Variants in SORL1 observed in about 807,000 individuals in gnomAD.
The protein encoded by SORL1 is sortilin related receptor 1.
SORL1 carries 127 observed loss-of-function variants against 273.7 expected under a neutral mutation model. The ratio of observed to expected loss-of-function variants is 0.46; its 90% confidence interval spans 0.40 to 0.54. The LOEUF is 0.54. Ranked by LOEUF, SORL1 falls within the 20% of genes least tolerant of loss-of-function variation. The pLI is 0.00. For synonymous variants in SORL1, 1,031 were observed against 1,067.4 expected (o/e 0.97, Z 0.66); for missense variants, 2,494 against 2,846.1 (o/e 0.88, Z 2.81).
intron 11 of SORL1, among the ~76,000 whole-genome samples, chr11:121,530,517 C>G (rs1490029452): frequency 1.3e-5 from 2 of 152,128 alleles, no homozygotes; most frequent in Admixed American, 6.5e-5. Flanking sequence ...TTCACTTTAG[C>G]TATCATTCTC....
intron 37 of SORL1, among the ~76,000 whole-genome samples, chr11:121,607,816 A>G (rs1301141915): frequency 6.6e-6 from 1 of 152,162 alleles, no homozygotes; most frequent in Admixed American, 6.5e-5. Flanking sequence ...ATTTATGAAC[A>G]CACCCCCCCA....
intron 2 of SORL1, among the ~76,000 whole-genome samples, chr11:121,470,341 T>C (rs1043768149): frequency 6.6e-6 from 1 of 152,238 alleles, no homozygotes; most frequent in South Asian, 2.1e-4. Context: ...AATGTGTGAT[T>C]ACCTTTGGGA....
chr11:121,612,918 G>T, intron 40 of SORL1, 86 bp downstream of exon 40: 1 of 927,246 alleles, frequency 1.1e-6, no homozygotes. Context: ...GACTGGGGGT[G>T]CCAGGGAAGG....
chr11:121,474,277 C>T (rs1056705735), intron 2 of SORL1, among the ~76,000 whole-genome samples: 1 of 151,688 alleles, frequency 6.6e-6, no homozygotes, highest in African/African-American at 2.4e-5. Context: ...AGGTCCCATC[C>T]GGACTTCTTG....
Position 121,567,052 on chromosome 11 carries a change from G to T in SORL1, c.3162G>T (p.Gly1054=). 6.2e-7 allele frequency: 1 copy of T among 1,613,764 alleles called. No individual in the cohort carries two copies. The highest frequency in any genetic ancestry group is 1.1e-5 in the South Asian group (1 of 91,074). Residue 1054 remains glycine, a synonymous_variant, in exon 22 of 48, where the codon GGG becomes GGT. Transcript: ENST00000260197. ...EDVSSSVLPS[G]DLMCDCPQGY... ...TGTCCAGCAGTGTGCTTCCATCAGG[G>T]GACCTGATGTGTGACTGCCCTCAGG... is the stretch of plus-strand genomic sequence containing the variant.
chr11:121,627,773 T>C lies in SORL1; in HGVS notation c.6577+6T>C. On this transcript the variant is annotated splice_donor_region_variant and intron_variant, in intron 47 of 47. Transcript: ENST00000260197. This position sits in a 1 kb window ranked among gnomAD's most constrained non-coding sequence, Gnocchi z 4.9. ...CTCCTCTGGGGATGACCTGGGTAAG[T>C]GGGGCAGGGAGAGTCGGTTCTTCCT... The C allele has an allele frequency of 3.7e-6, 6 of 1,609,340 alleles. No homozygotes were observed. Among genetic ancestry groups the C allele is most frequent in the Non-Finnish European group, 5.1e-6 (6 of 1,176,788 alleles).
At chr11:121,457,674 G>A (rs149009360) in intron 1 of SORL1, among the ~76,000 whole-genome samples, 111 of 152,244 alleles carry the variant, frequency 7.3e-4, no homozygotes, top group African/African-American at 2.4e-3. Context: ...CACTTCAAGC[G>A]TTCTTGCAGA....
chr11:121,555,261 T>A lies in SORL1; in HGVS notation c.2514T>A (p.Ala838=). 1 of 1,614,140 alleles carries A rather than the reference T, an allele frequency of 6.2e-7. No individual in the cohort carries two copies. Among genetic ancestry groups the A allele is most frequent in the African/African-American group, 1.3e-5 (1 of 75,064 alleles). ...GCCTGGAGACAGTAGAAGCTTTGGC[T>A]TTTGAACCCCTCAGCCAGCTGCTTT... ...NSGLETVEAL[A]FEPLSQLLYW... is the part of the protein sequence containing the mutation. The change falls in exon 18 of 48, where the codon GCT becomes GCA. Residue 838 remains alanine (A), a synonymous_variant. Transcript: ENST00000260197.
rs183245115 is a variant in SORL1 at position 121,632,517 on chromosome 11, G to C, written c.*2954G>C. ...AATTCCTGGGGTTCTGTCTTTGGTAGCATCACCAGGGATATTTGGGTGGGA... is the reference window on the plus strand; with the variant it reads ...AATTCCTGGGGTTCTGTCTTTGGTACCATCACCAGGGATATTTGGGTGGGA... On this transcript the variant is annotated 3_prime_UTR_variant, in exon 48 of 48. Transcript: ENST00000260197. 20 of 151,906 alleles carry C rather than the reference G, an allele frequency of 1.3e-4. No homozygotes were observed. The highest frequency in any genetic ancestry group is 4.8e-4 in the African/African-American group (20 of 41,388). 9.4% of individuals were successfully genotyped at this position (151,906 alleles called of 1,614,324 possible).
intron 5 of SORL1, among the ~76,000 whole-genome samples, chr11:121,492,389 C>T (rs1421727736): frequency 6.6e-6 from 1 of 151,962 alleles, no homozygotes; most frequent in Non-Finnish European, 1.5e-5. Flanking sequence ...TAATAACTGT[C>T]TCAATGAATG....
chr11:121,564,309 C>T (rs1033464899), intron 21 of SORL1, among the ~76,000 whole-genome samples: 1 of 152,190 alleles, frequency 6.6e-6, no homozygotes, highest in Non-Finnish European at 1.5e-5. Flanking sequence ...CTGCCCCTGC[C>T]TACCTCTTAG....
chr11:121,487,917 G>T, intron 3 of SORL1, 115 bp from the exon 4 acceptor site: 1 of 1,038,898 alleles, frequency 9.6e-7, no homozygotes, highest in East Asian at 2.4e-5. Flanking sequence ...GTGCCTTGTT[G>T]GTGCCAGCTG....
intron 8 of SORL1, among the ~76,000 whole-genome samples, chr11:121,518,182 A>G (rs1301996107): frequency 6.6e-6 from 1 of 152,212 alleles, no homozygotes; most frequent in African/African-American, 2.4e-5. Flanking sequence ...TTGCCAGGGC[A>G]TGGATTCTGC....
intron 2 of SORL1, among the ~76,000 whole-genome samples, chr11:121,477,636 G>A (rs539273085): frequency 6.6e-6 from 1 of 152,316 alleles, no homozygotes; most frequent in African/African-American, 2.4e-5. Context: ...AGACATAGAG[G>A]TGCCCTGCCT....
At chr11:121,558,020 A>G (rs1402414252) in intron 19 of SORL1, among the ~76,000 whole-genome samples, 1 of 152,202 alleles carries the variant, frequency 6.6e-6, no homozygotes. Flanking sequence ...TTTATGAAAA[A>G]AATTTGCATT....
chr11:121,536,152 T>A (rs1314478273), intron 12 of SORL1, among the ~76,000 whole-genome samples: 1 of 152,194 alleles, frequency 6.6e-6, no homozygotes, highest in Non-Finnish European at 1.5e-5. Flanking sequence ...AAGCATCTTT[T>A]TTTTCTAAGA....
chr11:121,515,738 G>A (rs768302663), intron 8 of SORL1, among the ~76,000 whole-genome samples: 7 of 152,112 alleles, frequency 4.6e-5, no homozygotes, highest in South Asian at 2.1e-4. Flanking sequence ...TGCAACCGCC[G>A]CTTCCTGGGT....
rs1565361140 is a variant in SORL1, at chr11:121,630,625, C to G, written c.*1062C>G. ...CATTTTGAATTGGACAGTGCCTTCTCTTTTTTTTTCTCCTCTTCTTCCATC... is the reference window on the plus strand; with the variant it reads ...CATTTTGAATTGGACAGTGCCTTCTGTTTTTTTTTCTCCTCTTCTTCCATC... On this transcript the variant is annotated 3_prime_UTR_variant, in exon 48 of 48. Transcript: ENST00000260197. 1 of 151,608 alleles carries G rather than the reference C, an allele frequency of 6.6e-6. No individual in the cohort carries two copies. Among genetic ancestry groups the G allele is most frequent in the Non-Finnish European group, 1.5e-5 (1 of 67,862 alleles). The allele number at this position is 151,608 out of a possible 1,614,324, so 9.4% of individuals were successfully genotyped here. A position where few individuals can be genotyped will look rare whatever the true frequency, so the allele number is the denominator to read the frequency against.
chr11:121,546,819 A>G (rs910240095), intron 14 of SORL1: 1 of 152,132 alleles, frequency 6.6e-6, no homozygotes, highest in Non-Finnish European at 1.5e-5. Flanking sequence ...TCTGTTCTCA[A>G]CCAGTGCTTC....
Sources: allele counts gnomAD v4.1 joint callset (sites outside exome capture counted in the v4.1 genomes callset), GRCh38; gene constraint gnomAD v4.1.1; non-coding constraint Gnocchi (gnomAD v3.1); transcripts MANE v1.5; gene names NCBI Gene and HGNC (gene_info 2026-07-23, HGNC 2026-07-21).